The following LPA variants were observed in gnomAD, a reference collection of about 807,000 sequenced individuals.
LPA encodes the protein lipoprotein(a), also known as apolipoprotein(a).
A neutral mutation model predicts 197.9 loss-of-function variants in LPA; 199 were observed. The observed-to-expected ratio is 1.01, with a 90% CI of 0.90 to 1.13. LPA has a LOEUF of 1.13. Ranked by LOEUF, LPA falls within the 50% of genes most tolerant of loss-of-function variation. The pLI is 0.00. For synonymous variants in LPA, 715 were observed against 639.5 expected, an observed-to-expected ratio of 1.12 and a Z score of -1.78; for missense variants, 1,853 against 1,785.8, an observed-to-expected ratio of 1.04 and a Z score of -0.68.
intron 30 of LPA, among the ~76,000 whole-genome samples, chr6:160,549,727 T>G (rs1778137528): frequency 6.6e-6 from 1 of 152,204 alleles, no homozygotes; most frequent in African/African-American, 2.4e-5. Flanking sequence ...AGGATGCTGT[T>G]TCTCTAGGAT....
chr6:160,565,518 C>A (rs1219352999), intron 28 of LPA, among the ~76,000 whole-genome samples: 6 of 152,194 alleles, frequency 3.9e-5, no homozygotes, highest in African/African-American at 1.4e-4. Context: ...AAAACCCCAT[C>A]TGTACATCAC....
intron 32 of LPA, 35 bp downstream of exon 32, chr6:160,547,754 C>A (rs774268322): frequency 5.0e-6 from 8 of 1,613,738 alleles, no homozygotes; most frequent in Non-Finnish European, 6.8e-6. Flanking sequence ...GATTTGTCAG[C>A]AAAGGGAAAA....
chr6:160,562,641 T>C (rs983277496), intron 28 of LPA, among the ~76,000 whole-genome samples: 5 of 152,248 alleles, frequency 3.3e-5, no homozygotes, highest in East Asian at 1.9e-4. Flanking sequence ...TCAGAAGGAA[T>C]AGTACTAGCT....
intron 37 of LPA, among the ~76,000 whole-genome samples, chr6:160,534,837 G>T (rs903435677): frequency 5.9e-5 from 9 of 152,086 alleles, no homozygotes; most frequent in African/African-American, 2.2e-4. Context: ...AACAGTGAGT[G>T]GGCTCTGGGG....
intron 1 of LPA, among the ~76,000 whole-genome samples, chr6:160,658,317 G>C (rs537908084): frequency 6.6e-6 from 1 of 152,142 alleles, no homozygotes; most frequent in African/African-American, 2.4e-5. Flanking sequence ...GCAAGGCTGT[G>C]CATGCACCTC....
chr6:160,584,459 G>A lies in LPA; in HGVS notation c.4289+587C>T, dbSNP rs1001457319. On this transcript the variant is annotated intron_variant, in intron 26 of 38. Coordinates refer to ENST00000316300, the MANE Select transcript of LPA (RefSeq NM_005577.4). The stretch of plus-strand genomic sequence containing the variant: ...TGTTTCTCCTGCCTCAGCCTCCCAA[G>A]TAGTTGGAATTACAGGTACCCACCA... 2.5e-4 allele frequency among the ~76,000 whole-genome samples: 38 copies of A among 150,850 alleles called. 1 individual carries two copies. The highest frequency in any genetic ancestry group is 2.7e-4 in the Admixed American group (4 of 15,082).
chr6:160,550,381 C>T (rs1327709791), intron 30 of LPA, among the ~76,000 whole-genome samples: 1 of 152,070 alleles, frequency 6.6e-6, no homozygotes, highest in African/African-American at 2.4e-5. Context: ...TATTATGTAC[C>T]GTGGGAATGC....
chr6:160,659,922 C>T (rs771083181), intron 1 of LPA, among the ~76,000 whole-genome samples: 15 of 152,280 alleles, frequency 9.9e-5, no homozygotes, highest in Admixed American at 2.0e-4. Context: ...ACAACGGGTA[C>T]GGCTAATGAA....
intron 28 of LPA, among the ~76,000 whole-genome samples, chr6:160,565,085 C>A (rs1379325948): frequency 2.0e-5 from 3 of 152,238 alleles, no homozygotes; most frequent in Non-Finnish European, 4.4e-5. Flanking sequence ...CTGTAGACTC[C>A]ACCTCTGGGG....
chr6:160,593,516 G>A (rs1779070170), intron 22 of LPA, among the ~76,000 whole-genome samples: 1 of 152,170 alleles, frequency 6.6e-6, no homozygotes, highest in Non-Finnish European at 1.5e-5. Context: ...CAGGTTAGAG[G>A]AGAAAGTGAT....
At chr6:160,611,080 C>A (rs189732847) in intron 16 of LPA, among the ~76,000 whole-genome samples, 60 of 152,058 alleles carry the variant, frequency 3.9e-4, no homozygotes, top group Non-Finnish European at 7.4e-4. Flanking sequence ...GTACTTAGGA[C>A]CAAGAGATTT....
At chr6:160,542,909 A>C in intron 33 of LPA, 101 bp from the exon 34 acceptor site, 1 of 1,502,036 alleles carries the variant, frequency 6.7e-7, no homozygotes, top group Non-Finnish European at 9.2e-7. Flanking sequence ...TCACATCTCA[A>C]AGGTGAAATT....
intron 2 of LPA, among the ~76,000 whole-genome samples, chr6:160,647,976 G>T (rs1351878523): frequency 6.6e-6 from 1 of 152,068 alleles, no homozygotes; most frequent in Non-Finnish European, 1.5e-5. Context: ...TAATTCCTTA[G>T]GGTCACCTCT....
chr6:160,590,967 G>T lies in LPA; in HGVS notation c.3764C>A (p.Thr1255Lys), dbSNP rs200376184. The change falls in exon 23 of 39, where the codon ACG (threonine) becomes AAG (lysine). Residue 1255 changes from threonine (T) to lysine (K), a missense_variant. Thr to Lys is a moderately conservative substitution (Grantham distance 78). Around this residue, in one of 3 missense-constraint regions of LPA, gnomAD observed 1,737 missense variants for 1,504.4 expected, o/e 1.15. Transcript: ENST00000316300. ...ACCTTGTTCAGAAACAGCCGTGGAC[G>T]TCGCAAGGACACTTGATTCTGTCAC... ...CPVTESSVLA[T>K]STAVSEQAPT... 1.2e-6 allele frequency: 2 copies of T among 1,613,850 alleles called. No homozygotes were observed. The highest frequency in any genetic ancestry group is 1.7e-6 in the Non-Finnish European group (2 of 1,179,924).
rs1252408964 is a variant in LPA at position 160,654,080 on chromosome 6, ATTATATATATTAT to A, written c.50-3596_50-3584del. On this transcript the variant is annotated intron_variant, in intron 1 of 38. Coordinates refer to ENST00000316300, the MANE Select transcript of LPA (RefSeq NM_005577.4). Reference sequence around the variant, plus strand: ...ATTATATATATTATATATAATATATATTATATATATTATATATAATATAATATATTATATGTAT... The same window carrying A: ...ATTATATATATTATATATAATATATAATATAATATAATATATTATATGTAT... Among the ~76,000 whole-genome samples, 12 of 42,994 alleles carry A rather than the reference ATTATATATATTAT, an allele frequency of 2.8e-4. No homozygotes were observed. In the East Asian group the frequency reaches 8.5e-3, roughly 31 times the overall value. 28.2% of individuals were successfully genotyped at this position (42,994 alleles called of 152,430 possible).
At chr6:160,561,264 C>G (rs1457085032) in intron 28 of LPA, among the ~76,000 whole-genome samples, 1 of 152,070 alleles carries the variant, frequency 6.6e-6, no homozygotes, top group Non-Finnish European at 1.5e-5. Context: ...GGAAGGGATC[C>G]AGTTTCAGTT....
At chr6:160,590,333 C>T (rs553420450) in intron 23 of LPA, among the ~76,000 whole-genome samples, 2 of 152,264 alleles carry the variant, frequency 1.3e-5, no homozygotes, top group African/African-American at 2.4e-5. Context: ...AACAGCAACA[C>T]AGATACGTGT....
At chr6:160,602,595 T>G (rs1014308062) in intron 18 of LPA, among the ~76,000 whole-genome samples, 3 of 152,248 alleles carry the variant, frequency 2.0e-5, no homozygotes, top group African/African-American at 7.2e-5. Context: ...TTACGTGGGC[T>G]GCAGAAAGTT....
At chr6:160,565,768 G>A (rs1025405100) in intron 28 of LPA, among the ~76,000 whole-genome samples, 1 of 152,132 alleles carries the variant, frequency 6.6e-6, no homozygotes, top group Non-Finnish European at 1.5e-5. Context: ...TTGCAAAGAA[G>A]CTAAAAACCT....
Sources: allele counts gnomAD v4.1 joint callset (sites outside exome capture counted in the v4.1 genomes callset), GRCh38; gene constraint gnomAD v4.1.1; regional missense constraint gnomAD v4.1.1; transcripts MANE v1.5; gene names NCBI Gene and HGNC (gene_info 2026-07-23, HGNC 2026-07-21).